The following ERC2 variants were observed in gnomAD, a reference collection of about 807,000 sequenced individuals.
ERC2 encodes the protein ELKS/RAB6-interacting/CAST family member 2.
A neutral mutation model predicts 114.8 loss-of-function variants in ERC2; 42 were observed. The observed-to-expected ratio is 0.37, with a 90% CI of 0.29 to 0.47. The LOEUF (loss-of-function observed/expected upper bound fraction) is 0.47. Ranked by LOEUF, ERC2 falls within the 20% of genes least tolerant of loss-of-function variation. ERC2 has a pLI of 0.99. For missense variants in ERC2, 939 were observed against 1,150.7 expected, an observed-to-expected ratio of 0.82 and a Z score of 2.66; for synonymous variants, 454 against 425.5, an observed-to-expected ratio of 1.07 and a Z score of -0.82.
chr3:56,271,792 A>G (rs1479307225), intron 3 of ERC2, among the ~76,000 whole-genome samples: 2 of 152,108 alleles, frequency 1.3e-5, no homozygotes, highest in African/African-American at 4.8e-5. Context: ...CCCAGTGTCT[A>G]TTGTTCCCTT....
intron 13 of ERC2, among the ~76,000 whole-genome samples, chr3:55,936,629 T>C (rs973219325): frequency 1.1e-4 from 16 of 152,142 alleles, no homozygotes; most frequent in African/African-American, 3.4e-4. Context: ...AGAAAGAACC[T>C]TCTAGCTAAG....
At chr3:55,586,888 C>G (rs942965242) in intron 17 of ERC2, among the ~76,000 whole-genome samples, 1 of 152,162 alleles carries the variant, frequency 6.6e-6, no homozygotes, top group African/African-American at 2.4e-5. Context: ...ATATTTTCCT[C>G]AAAATTTTTT....
chr3:56,011,604 TAAACAC>T (rs926740428), intron 8 of ERC2, among the ~76,000 whole-genome samples: 2 of 99,784 alleles, frequency 2.0e-5, no homozygotes, highest in Admixed American at 1.0e-4. Flanking sequence ...GTAAGAAACT[TAAACAC>T]ACACACACAC....
intron 17 of ERC2, among the ~76,000 whole-genome samples, chr3:55,603,216 AC>A (rs2058486535): frequency 6.6e-6 from 1 of 152,240 alleles, no homozygotes; most frequent in Non-Finnish European, 1.5e-5. Flanking sequence ...AACCAGAGAT[AC>A]TATGTTTATA....
intron 17 of ERC2, among the ~76,000 whole-genome samples, chr3:55,615,562 G>A (rs927840777): frequency 2.0e-5 from 3 of 152,090 alleles, no homozygotes; most frequent in Non-Finnish European, 4.4e-5. Flanking sequence ...AGTGCCTAGT[G>A]GGCCCCAGGG....
intron 14 of ERC2, among the ~76,000 whole-genome samples, chr3:55,760,399 C>T (rs1206414566): frequency 6.6e-6 from 1 of 152,154 alleles, no homozygotes; most frequent in Non-Finnish European, 1.5e-5. Context: ...TTACATGGGT[C>T]AGCTCTTTGA....
At chr3:56,134,732 C>T (rs1019916348) in intron 6 of ERC2, among the ~76,000 whole-genome samples, 4 of 152,260 alleles carry the variant, frequency 2.6e-5, no homozygotes, top group Non-Finnish European at 5.9e-5. Context: ...CAAGTGTTTA[C>T]TCTTAGACAA....
chr3:56,141,432 G>A (rs1002536366), intron 5 of ERC2, among the ~76,000 whole-genome samples: 4 of 152,154 alleles, frequency 2.6e-5, no homozygotes, highest in Non-Finnish European at 5.9e-5. Context: ...CAACCACCCT[G>A]TGACCACCAT....
intron 14 of ERC2, chr3:55,852,636 A>G (rs1012047092): frequency 5.9e-5 from 9 of 152,816 alleles, no homozygotes; most frequent in African/African-American, 1.4e-4. Flanking sequence ...GTAAAGGTAC[A>G]TGGATTCTTT....
At chr3:56,173,768 G>T in intron 3 of ERC2, 1 of 481,172 alleles carries the variant, frequency 2.1e-6, no homozygotes, top group Non-Finnish European at 3.7e-6. Flanking sequence ...CTGTGACAAA[G>T]CCAGCAAGTA....
intron 3 of ERC2, among the ~76,000 whole-genome samples, chr3:56,202,048 A>G (rs1239361982): frequency 1.3e-5 from 2 of 152,186 alleles, no homozygotes; most frequent in African/African-American, 4.8e-5. Flanking sequence ...TGGTTTGGCC[A>G]TCTTTGTATT....
At chr3:56,140,568 C>G (rs1440976246) in intron 5 of ERC2, among the ~76,000 whole-genome samples, 1 of 152,258 alleles carries the variant, frequency 6.6e-6, no homozygotes, top group Non-Finnish European at 1.5e-5. Context: ...TCTGCCCACT[C>G]TGCTGTTGAT....
At chr3:55,806,395 G>A (rs1454594325) in intron 14 of ERC2, among the ~76,000 whole-genome samples, 2 of 151,394 alleles carry the variant, frequency 1.3e-5, no homozygotes, top group Non-Finnish European at 2.9e-5. Context: ...AATGAGAGAG[G>A]AGGGAGCTTG....
At chr3:55,977,930 A>C (rs766060222) in intron 12 of ERC2, among the ~76,000 whole-genome samples, 18 of 151,972 alleles carry the variant, frequency 1.2e-4, no homozygotes, top group Non-Finnish European at 2.2e-4. Flanking sequence ...GTTTGCCAAG[A>C]AAAAAAAGCC....
intron 17 of ERC2, among the ~76,000 whole-genome samples, chr3:55,616,816 C>T (rs2059140133): frequency 6.6e-6 from 1 of 151,968 alleles, no homozygotes; most frequent in Non-Finnish European, 1.5e-5. Context: ...CCCAGGAGTG[C>T]CTGACCCCCG....
chr3:55,881,105 T>C (rs990459953), intron 14 of ERC2, among the ~76,000 whole-genome samples: 9 of 152,216 alleles, frequency 5.9e-5, no homozygotes, highest in Admixed American at 2.0e-4. Flanking sequence ...CCTAAAGAAA[T>C]GTGATTTGTC....
In ERC2 at chr3:55,917,747, C is replaced by A. The variant is rs574553920; in HGVS notation, c.2404-29198G>T. On this transcript the variant is annotated intron_variant, in intron 13 of 17. Transcript: ENST00000288221. ...GCACAACTCTGAATATGCTGAAAAT[C>A]ATTGAATGCTACACTTTAAATGGTG... Among the ~76,000 whole-genome samples, 3 of 152,204 alleles carry A rather than the reference C, an allele frequency of 2.0e-5. No homozygotes were observed. In the East Asian group the frequency reaches 5.8e-4, roughly 29 times the overall value.
At chr3:56,148,852 G>A in intron 5 of ERC2, 125 bp downstream of exon 5, 1 of 832,852 alleles carries the variant, frequency 1.2e-6, no homozygotes, top group South Asian at 2.8e-5. Flanking sequence ...ATTCTACTTT[G>A]TTGTCCATAT....
intron 15 of ERC2, among the ~76,000 whole-genome samples, chr3:55,719,657 C>T (rs1559545691): frequency 6.6e-6 from 1 of 152,268 alleles, no homozygotes; most frequent in East Asian, 1.9e-4. Context: ...ATCAGCAACA[C>T]TTAAGTGTCT....
Sources: gnomAD v4.1 joint callset for allele counts (sites outside exome capture counted in the v4.1 genomes callset) on GRCh38, gnomAD v4.1.1 for gene constraint, MANE v1.5 for transcripts, NCBI Gene and HGNC (gene_info 2026-07-23, HGNC 2026-07-21) for gene names.